MAP2K5: variants seen among roughly 807,000 people sequenced by gnomAD.
MAP2K5 encodes mitogen-activated protein kinase kinase 5.
In MAP2K5, 49 loss-of-function variants were observed where a neutral mutation model predicts 83.1. The observed-to-expected ratio is 0.59, with a 90% CI of 0.47 to 0.75. MAP2K5 has a LOEUF of 0.75. MAP2K5 is among the 30% of genes least tolerant of loss of function. The pLI, the probability that MAP2K5 is intolerant of heterozygous loss-of-function variation, is 0.00. For synonymous variants in MAP2K5, 202 were observed against 191.8 expected (o/e 1.05, Z -0.44); for missense variants, 457 against 557.5 (o/e 0.82, Z 1.82).
At chr15:67,761,993 G>C (rs1454969983) in intron 19 of MAP2K5, among the ~76,000 whole-genome samples, 2 of 152,170 alleles carry the variant, frequency 1.3e-5, no homozygotes, top group Admixed American at 1.3e-4. Context: ...CACTGTATAG[G>C]AACAAGGTAA....
chr15:67,658,500 T>G (rs1033903619), intron 11 of MAP2K5, 53 bp from the exon 12 acceptor site: 1 of 1,355,258 alleles, frequency 7.4e-7, no homozygotes, highest in Non-Finnish European at 1.1e-6. Flanking sequence ...AGAAGCCCAG[T>G]GCATTGTTCT....
In MAP2K5 at chr15:67,807,019, T is replaced by A; in HGVS notation, c.*269T>A. 2.2e-6 allele frequency: 3 copies of A among 1,375,762 alleles called. No individual in the cohort carries two copies. The highest frequency in any genetic ancestry group is 2.9e-6 in the Non-Finnish European group (3 of 1,042,224). 85.2% of individuals were successfully genotyped at this position (1,375,762 alleles called of 1,614,324 possible). A position where few individuals can be genotyped will look rare whatever the true frequency, so the allele number is the denominator to read the frequency against. On this transcript the variant is annotated 3_prime_UTR_variant, in exon 22 of 22. Coordinates refer to ENST00000178640, the MANE Select transcript of MAP2K5 (RefSeq NM_145160.3). The surrounding 1 kb of genome is among the most constrained non-coding windows in gnomAD (Gnocchi z 5.1). ...GCATTGAGAATGGAGGCTCCCAGGGTCCCTGCCCACTTCTGTTTTCCTAAT... is the reference window on the plus strand; with the variant it reads ...GCATTGAGAATGGAGGCTCCCAGGGACCCTGCCCACTTCTGTTTTCCTAAT...
rs2084694326 is a variant in MAP2K5 at position 67,559,576 on chromosome 15, T to A, written c.185-3707T>A. 6.6e-6 allele frequency among the ~76,000 whole-genome samples: 1 copy of A among 152,208 alleles called. No individual in the cohort carries two copies. The highest frequency in any genetic ancestry group is 2.4e-5 in the African/African-American group (1 of 41,450). On this transcript the variant is annotated intron_variant, in intron 2 of 21. Transcript: ENST00000178640. This position sits in a 1 kb window ranked among gnomAD's most constrained non-coding sequence, Gnocchi z 4.7. ...GACACACTGCAGATTTTGTGAAGATTGCTTCATAATATTGGTTTACCATCT... is the reference window on the plus strand; with the variant it reads ...GACACACTGCAGATTTTGTGAAGATAGCTTCATAATATTGGTTTACCATCT...
intron 7 of MAP2K5, among the ~76,000 whole-genome samples, chr15:67,596,028 C>T (rs1423305362): frequency 1.3e-5 from 2 of 150,678 alleles, no homozygotes; most frequent in East Asian, 1.9e-4. Flanking sequence ...CAGTATTTTC[C>T]TATTCCTGAT....
chr15:67,618,422 C>T (rs910392358), intron 8 of MAP2K5, among the ~76,000 whole-genome samples: 4 of 152,168 alleles, frequency 2.6e-5, no homozygotes, highest in African/African-American at 9.7e-5. Context: ...TAATTCACTT[C>T]CTAAGTGAGC....
chr15:67,772,887 G>T, intron 21 of MAP2K5, 135 bp downstream of exon 21: 1 of 590,496 alleles, frequency 1.7e-6, no homozygotes, highest in East Asian at 3.2e-5. Flanking sequence ...CATTTGGGTA[G>T]ATGTTTTTGA....
intron 16 of MAP2K5, among the ~76,000 whole-genome samples, chr15:67,711,694 A>C (rs1185242582): frequency 1.3e-5 from 2 of 151,696 alleles, no homozygotes; most frequent in East Asian, 3.9e-4. Context: ...CACACACACA[A>C]AAGGATAATA....
At chr15:67,678,147 A>T (rs1017802156) in intron 13 of MAP2K5, among the ~76,000 whole-genome samples, 1 of 152,232 alleles carries the variant, frequency 6.6e-6, no homozygotes, top group Non-Finnish European at 1.5e-5. Context: ...CTCATTCATT[A>T]GAATGCAGTC....
Position 67,577,527 on chromosome 15 carries a change from G to C in MAP2K5, c.253-3227G>C, listed in dbSNP as rs1450298575. ...ATTTCTGTCCAAGCTATTATGTTCAGTATCTTAGTGTACAAAGTTTAGGGG... is the reference window on the plus strand; with the variant it reads ...ATTTCTGTCCAAGCTATTATGTTCACTATCTTAGTGTACAAAGTTTAGGGG... On this transcript the variant is annotated intron_variant, in intron 3 of 21. Transcript: ENST00000178640. The surrounding 1 kb of genome is among the most constrained non-coding windows in gnomAD (Gnocchi z 4.1). 2.0e-5 allele frequency among the ~76,000 whole-genome samples: 3 copies of C among 152,280 alleles called. 1 individual carries two copies. The South Asian group carries it at 6.2e-4, about 32-fold the overall frequency.
chr15:67,549,042 G>A (rs1337668571), intron 1 of MAP2K5: 1 of 1,490,870 alleles, frequency 6.7e-7, no homozygotes, highest in African/African-American at 1.4e-5. Flanking sequence ...GAAAGGCTGT[G>A]GGCTCCCTGC....
At chr15:67,608,427 G>C (rs530521570) in intron 8 of MAP2K5, among the ~76,000 whole-genome samples, 1 of 152,330 alleles carries the variant, frequency 6.6e-6, no homozygotes, top group South Asian at 2.1e-4. Context: ...GTTGGGGACA[G>C]CCTAGCCTCA....
chr15:67,755,865 T>G lies in MAP2K5; in HGVS notation c.1134+7264T>G, dbSNP rs922507145. On this transcript the variant is annotated intron_variant, in intron 19 of 21. Coordinates refer to ENST00000178640, the MANE Select transcript of MAP2K5 (RefSeq NM_145160.3). The surrounding 1 kb of genome is among the most constrained non-coding windows in gnomAD (Gnocchi z 4.7). ...TGTTTCCATCTTAAGCAAATCCACT[T>G]TAGTCCTTCTTATCATCAGGGACCC... Among the ~76,000 whole-genome samples the G allele has an allele frequency of 6.6e-6, 1 of 152,218 alleles. No individual in the cohort carries two copies. The highest frequency in any genetic ancestry group is 1.5e-5 in the Non-Finnish European group (1 of 68,040).
At chr15:67,564,595 G>C (rs1023857163) in intron 3 of MAP2K5, among the ~76,000 whole-genome samples, 1 of 152,328 alleles carries the variant, frequency 6.6e-6, no homozygotes, top group East Asian at 1.9e-4. Context: ...AATAGGAAAA[G>C]TCAATTTCCC....
chr15:67,646,476 T>A lies in MAP2K5; in HGVS notation c.736+7T>A, dbSNP rs1305454218. On this transcript the variant is annotated splice_region_variant and intron_variant, in intron 11 of 21. Coordinates refer to ENST00000178640, the MANE Select transcript of MAP2K5 (RefSeq NM_145160.3). ...TGTACAGAATTCATGGATGGTGAGTTTTCCCTTTTATAATACTTTTAAAAT... is the reference window on the plus strand; with the variant it reads ...TGTACAGAATTCATGGATGGTGAGTATTCCCTTTTATAATACTTTTAAAAT... The A allele has an allele frequency of 6.5e-7, 1 of 1,530,426 alleles. No homozygotes were observed. The highest frequency in any genetic ancestry group is 1.2e-5 in the South Asian group (1 of 84,886). The allele number at this position is 1,530,426 out of a possible 1,614,324, so 94.8% of individuals were successfully genotyped here.
intron 12 of MAP2K5, among the ~76,000 whole-genome samples, chr15:67,662,409 T>A (rs2087259402): frequency 6.6e-6 from 1 of 152,174 alleles, no homozygotes; most frequent in Non-Finnish European, 1.5e-5. Flanking sequence ...TAGGTTTTCT[T>A]GTTCTTATAG....
At chr15:67,590,511 A>AC (rs1202967849) in intron 6 of MAP2K5, among the ~76,000 whole-genome samples, 3 of 106,750 alleles carry the variant, frequency 2.8e-5, no homozygotes, top group East Asian at 3.0e-4. Flanking sequence ...CATTGCTGTC[A>AC]CCCCCCCATT....
At chr15:67,596,442 C>G (rs72749348) in intron 7 of MAP2K5, among the ~76,000 whole-genome samples, 19,708 of 152,022 alleles carry the variant, frequency 0.13, 1,391 homozygotes, top group East Asian at 0.21. Flanking sequence ...ACAGGAAAAC[C>G]TTTTTGTATA....
chr15:67,686,468 G>A (rs1379990063), intron 13 of MAP2K5, among the ~76,000 whole-genome samples: 2 of 151,820 alleles, frequency 1.3e-5, no homozygotes, highest in Non-Finnish European at 2.9e-5. Context: ...CTAGCTGGGG[G>A]TGGTGGCAGG....
In MAP2K5 at chr15:67,746,079, A is replaced by G. The variant is rs1374559465; in HGVS notation, c.1075-2152A>G. Among the ~76,000 whole-genome samples the G allele has an allele frequency of 6.6e-6, 1 of 152,248 alleles. No homozygotes were observed. Among genetic ancestry groups the G allele is most frequent in the Non-Finnish European group, 1.5e-5 (1 of 68,038 alleles). ...CTCTTTCTTTTAATGAAGAGCAAGC[A>G]TAAATAGTACAGTTTTAAGTTGACT... is the stretch of plus-strand genomic sequence containing the variant. On this transcript the variant is annotated intron_variant, in intron 17 of 21. Coordinates refer to ENST00000178640, the MANE Select transcript of MAP2K5 (RefSeq NM_145160.3). The surrounding 1 kb of genome is among the most constrained non-coding windows in gnomAD (Gnocchi z 4.1).
Sources: allele counts gnomAD v4.1 joint callset (sites outside exome capture counted in the v4.1 genomes callset), GRCh38; gene constraint gnomAD v4.1.1; non-coding constraint Gnocchi (gnomAD v3.1); transcripts MANE v1.5; gene names NCBI Gene and HGNC (gene_info 2026-07-23, HGNC 2026-07-21).